The following RAD54B variants were observed in gnomAD, a reference collection of about 807,000 sequenced individuals.
The protein encoded by RAD54B is DNA repair and recombination protein RAD54B.
Under a neutral mutation model 95.8 loss-of-function variants are expected in RAD54B, and 78 were observed. The observed-to-expected ratio is 0.81, with a 90% CI of 0.68 to 0.98. The LOEUF (loss-of-function observed/expected upper bound fraction) is 0.98, where lower values mean the gene tolerates loss of function less well. Ranked by LOEUF, RAD54B falls within the 50% of genes least tolerant of loss-of-function variation. The probability of loss-of-function intolerance (pLI) is 0.00; values close to 1 mark genes in which losing one functional copy is unlikely to be tolerated. For synonymous variants in RAD54B, 328 were observed against 354.9 expected, an observed-to-expected ratio of 0.92 and a Z score of 0.85; for missense variants, 957 against 1,056.6, an observed-to-expected ratio of 0.91 and a Z score of 1.31.
chr8:94,420,489 A>T (rs1811777914), intron 3 of RAD54B, among the ~76,000 whole-genome samples: 1 of 151,634 alleles, frequency 6.6e-6, no homozygotes, highest in African/African-American at 2.4e-5. Flanking sequence ...CGAACTCATG[A>T]GCTTAAGCGT....
At chr8:94,386,798 T>C (rs894176736) in intron 11 of RAD54B, among the ~76,000 whole-genome samples, 186 bp downstream of exon 11, 1 of 152,218 alleles carries the variant, frequency 6.6e-6, no homozygotes, top group Non-Finnish European at 1.5e-5. Context: ...TATGTTTAGT[T>C]TTTCTTAAAA....
At chr8:94,404,553 A>G (rs755644502) in intron 5 of RAD54B, among the ~76,000 whole-genome samples, 15 of 152,240 alleles carry the variant, frequency 9.9e-5, no homozygotes, top group Non-Finnish European at 1.9e-4. Flanking sequence ...ATAGTTCAGT[A>G]TTCAGAGCAA....
intron 3 of RAD54B, among the ~76,000 whole-genome samples, chr8:94,413,719 T>C (rs552176855): frequency 6.6e-6 from 1 of 152,308 alleles, no homozygotes; most frequent in African/African-American, 2.4e-5. Flanking sequence ...TTTAAAACTT[T>C]TGCTTTTTGA....
intron 3 of RAD54B, among the ~76,000 whole-genome samples, chr8:94,415,192 G>C (rs1045316100): frequency 6.6e-6 from 1 of 151,828 alleles, no homozygotes; most frequent in African/African-American, 2.4e-5. Flanking sequence ...GAATAGAACA[G>C]AGCCCTCAGA....
At chr8:94,375,672 A>G (rs576488618) in intron 14 of RAD54B, among the ~76,000 whole-genome samples, 3 of 152,306 alleles carry the variant, frequency 2.0e-5, no homozygotes, top group African/African-American at 7.2e-5. Flanking sequence ...AAGATTATAC[A>G]GCTGAGGAAG....
intron 3 of RAD54B, among the ~76,000 whole-genome samples, chr8:94,434,338 A>C (rs1053905073): frequency 1.3e-5 from 2 of 151,902 alleles, no homozygotes; most frequent in African/African-American, 4.8e-5. Context: ...GCATAACAAT[A>C]TAAAAAGGGA....
chr8:94,466,326 G>A (rs940812561), intron 2 of RAD54B, among the ~76,000 whole-genome samples: 6 of 151,774 alleles, frequency 4.0e-5, no homozygotes, highest in Admixed American at 1.3e-4. Flanking sequence ...ATATACTAAC[G>A]CCTTTGATCT....
intron 3 of RAD54B, among the ~76,000 whole-genome samples, chr8:94,414,646 T>C (rs1811611332): frequency 6.6e-6 from 1 of 152,194 alleles, no homozygotes; most frequent in Admixed American, 6.5e-5. Context: ...TTTGCGTATA[T>C]TGAACCAGCC....
chr8:94,469,697 C>T (rs1813121152), intron 1 of RAD54B, among the ~76,000 whole-genome samples: 1 of 152,232 alleles, frequency 6.6e-6, no homozygotes, highest in South Asian at 2.1e-4. Context: ...GCAGCAATCT[C>T]ATGCTTGTTT....
chr8:94,374,032 C>G (rs368281212), intron 14 of RAD54B, among the ~76,000 whole-genome samples: 4 of 152,142 alleles, frequency 2.6e-5, no homozygotes, highest in African/African-American at 7.2e-5. Context: ...GTAATCCCAG[C>G]ACTTCGGGAG....
At chr8:94,433,004 G>GA (rs1812154424) in intron 3 of RAD54B, among the ~76,000 whole-genome samples, 1 of 152,172 alleles carries the variant, frequency 6.6e-6, no homozygotes, top group East Asian at 1.9e-4. Flanking sequence ...TTTTCAAATG[G>GA]TGTACAGAGC....
chr8:94,407,819 C>T, intron 4 of RAD54B, 99 bp from the exon 5 acceptor site: 2 of 920,516 alleles, frequency 2.2e-6, no homozygotes, highest in South Asian at 2.2e-5. Context: ...TGTAAATAGT[C>T]TTATATAATG....
At chr8:94,429,806 A>G (rs1422969028) in intron 3 of RAD54B, 5 of 985,282 alleles carry the variant, frequency 5.1e-6, no homozygotes, top group Non-Finnish European at 6.0e-6. Flanking sequence ...TTTTAATCCA[A>G]CCAATGAAAT....
chr8:94,434,113 A>G (rs961996299), intron 3 of RAD54B, among the ~76,000 whole-genome samples: 2 of 151,934 alleles, frequency 1.3e-5, no homozygotes, highest in African/African-American at 4.8e-5. Flanking sequence ...CAAAGTAGCA[A>G]GCTCTGCTTC....
At chr8:94,377,772 C>T (rs1265635233) in intron 14 of RAD54B, among the ~76,000 whole-genome samples, 1 of 149,926 alleles carries the variant, frequency 6.7e-6, no homozygotes, top group Non-Finnish European at 1.5e-5. Flanking sequence ...GTCAGGAGAT[C>T]GAGACCATCC....
intron 11 of RAD54B, among the ~76,000 whole-genome samples, chr8:94,385,629 G>T (rs1009071574): frequency 6.6e-6 from 1 of 152,106 alleles, no homozygotes; most frequent in Non-Finnish European, 1.5e-5. Context: ...TGTAGAAAAG[G>T]GGTCTCACTC....
At chr8:94,390,124 G>C (rs1390058631) in intron 10 of RAD54B, among the ~76,000 whole-genome samples, 4 of 152,028 alleles carry the variant, frequency 2.6e-5, no homozygotes, top group Non-Finnish European at 4.4e-5. Context: ...AGGATCACTT[G>C]AGCTCAGGAG....
At chr8:94,381,704 G>A (rs1810744691) in intron 11 of RAD54B, among the ~76,000 whole-genome samples, 1 of 152,032 alleles carries the variant, frequency 6.6e-6, no homozygotes, top group South Asian at 2.1e-4. Context: ...AGTTTGACAG[G>A]AAATACATTA....
intron 3 of RAD54B, chr8:94,428,755 CTT>C: frequency 1.0e-6 from 1 of 985,190 alleles, no homozygotes; most frequent in Non-Finnish European, 1.2e-6. Flanking sequence ...TACTAGCAAA[CTT>C]TCCCCTATAT....
Sources: gnomAD v4.1 joint callset for allele counts (sites outside exome capture counted in the v4.1 genomes callset) on GRCh38, gnomAD v4.1.1 for gene constraint, MANE v1.5 for transcripts, NCBI Gene and HGNC (gene_info 2026-07-23, HGNC 2026-07-21) for gene names.